Variants in ZNF385D observed in about 807,000 individuals in gnomAD.
The protein encoded by ZNF385D is zinc finger protein 659.
ZNF385D carries 15 observed loss-of-function variants against 35.8 expected under a neutral mutation model. The observed-to-expected ratio is 0.42, with a 90% CI of 0.28 to 0.64. The LOEUF is 0.64. Ranked by LOEUF, ZNF385D falls within the 30% of genes least tolerant of loss-of-function variation. The pLI, the probability that ZNF385D is intolerant of heterozygous loss-of-function variation, is 0.23. For missense variants in ZNF385D, 474 were observed against 494.6 expected (o/e 0.96, Z 0.39); for synonymous variants, 212 against 186.8 (o/e 1.13, Z -1.10).
rs1228494028 is a variant in ZNF385D, at chr3:21,425,563, C to A, written c.781G>T (p.Gly261Cys). The change falls in exon 6 of 8, where the codon GGC becomes TGC. Residue 261 changes from glycine to cysteine, a missense_variant. Transcript: ENST00000281523. ...CAGTGAAATGTTTTATTTTGGAGGC[C>A]TGTGTTTCCTTTATTAACAGGTCCT... is the stretch of plus-strand genomic sequence containing the variant. ...GKGPVNKGNT[G>C]LQNKTFHCEI... 3.1e-6 allele frequency: 5 copies of A among 1,611,658 alleles called. No individual in the cohort carries two copies. The African/African-American group carries it at 5.3e-5, about 17-fold the overall frequency.
At chr3:22,161,475 G>A (rs1705944459) in intron 3 of ZNF385D, among the ~76,000 whole-genome samples, 1 of 151,954 alleles carries the variant, frequency 6.6e-6, no homozygotes, top group South Asian at 2.1e-4. Context: ...TTTAAAAGAG[G>A]AACTTAGTCA....
chr3:21,523,377 A>G (rs1379657204), intron 3 of ZNF385D, among the ~76,000 whole-genome samples: 1 of 152,224 alleles, frequency 6.6e-6, no homozygotes, highest in African/African-American at 2.4e-5. Flanking sequence ...TAACCTTATT[A>G]TGTGATTTCA....
At chr3:21,492,634 A>G (rs1478260062) in intron 4 of ZNF385D, among the ~76,000 whole-genome samples, 6 of 151,730 alleles carry the variant, frequency 4.0e-5, no homozygotes, top group African/African-American at 1.5e-4. Context: ...AACTACAAAA[A>G]TTCGCCAGGT....
At chr3:22,259,977 A>G (rs560315977) in intron 2 of ZNF385D, among the ~76,000 whole-genome samples, 2 of 152,176 alleles carry the variant, frequency 1.3e-5, no homozygotes, top group Non-Finnish European at 2.9e-5. Context: ...GATTGTTAGG[A>G]CACGAAAAGG....
chr3:21,839,747 T>C (rs1203584437), intron 3 of ZNF385D, among the ~76,000 whole-genome samples: 3 of 151,954 alleles, frequency 2.0e-5, no homozygotes, highest in Admixed American at 6.6e-5. Flanking sequence ...GCTGTAGCAG[T>C]GGAAAAAGTG....
intron 4 of ZNF385D, among the ~76,000 whole-genome samples, chr3:21,479,519 A>G (rs1704468338): frequency 6.6e-6 from 1 of 152,166 alleles, no homozygotes; most frequent in African/African-American, 2.4e-5. Flanking sequence ...GGCCAAGAAT[A>G]AAAAATTAAG....
Position 22,315,267 on chromosome 3 carries a change from A to G in ZNF385D, c.106+57183T>C, listed in dbSNP as rs138391270. On this transcript the variant is annotated intron_variant, in intron 2 of 5. Coordinates refer to the ZNF385D transcript ENST00000494108. ...AGACAAGTCAGACTAGGTGAATGCA[A>G]GTTTGGGAAACAATGACTTGTTTTA... 2.6e-3 allele frequency among the ~76,000 whole-genome samples: 389 copies of G among 152,302 alleles called. 5 individuals carry two copies. The highest frequency in any genetic ancestry group is 8.0e-3 in the African/African-American group (331 of 41,570).
At chr3:21,737,552 A>C (rs1286040115) in intron 1 of ZNF385D, among the ~76,000 whole-genome samples, 1 of 152,210 alleles carries the variant, frequency 6.6e-6, no homozygotes, top group Non-Finnish European at 1.5e-5. Context: ...CTTCCATAGA[A>C]TTTAGTCTCT....
intron 3 of ZNF385D, among the ~76,000 whole-genome samples, chr3:21,790,414 T>C (rs1048985148): frequency 1.3e-5 from 2 of 152,198 alleles, no homozygotes; most frequent in African/African-American, 2.4e-5. Context: ...CACAGAGTTA[T>C]CTGTTGGTGA....
At chr3:21,972,356 A>G (rs1306037264) in intron 3 of ZNF385D, among the ~76,000 whole-genome samples, 1 of 152,058 alleles carries the variant, frequency 6.6e-6, no homozygotes, top group African/African-American at 2.4e-5. Context: ...GAAGAAATTA[A>G]GAAGAAAATG....
At chr3:22,029,540 T>A (rs1298062466) in intron 3 of ZNF385D, among the ~76,000 whole-genome samples, 2 of 152,228 alleles carry the variant, frequency 1.3e-5, no homozygotes, top group African/African-American at 4.8e-5. Context: ...TATAACCACA[T>A]GACCAGCTAT....
intron 2 of ZNF385D, among the ~76,000 whole-genome samples, chr3:22,177,304 C>T (rs1200319347): frequency 6.6e-6 from 1 of 152,148 alleles, no homozygotes. Context: ...TCTAAAACAG[C>T]TTACATAAAA....
intron 1 of ZNF385D, among the ~76,000 whole-genome samples, chr3:21,722,117 AGAG>A (rs1184473454): frequency 6.9e-6 from 1 of 145,784 alleles, no homozygotes; most frequent in African/African-American, 2.6e-5. Flanking sequence ...AAAAAAAAAA[AGAG>A]GTATTTGCAA....
At chr3:21,958,922 A>C (rs1199664474) in intron 3 of ZNF385D, 1 of 152,192 alleles carries the variant, frequency 6.6e-6, no homozygotes, top group Non-Finnish European at 1.5e-5. Flanking sequence ...ATTTTATGCC[A>C]GGTGAGAAAA....
chr3:21,426,518 A>G (rs1401638633), intron 5 of ZNF385D, among the ~76,000 whole-genome samples: 1 of 152,038 alleles, frequency 6.6e-6, no homozygotes. Context: ...TTTTGCACAA[A>G]ATTTCTTTTT....
chr3:22,099,287 T>C (rs1701800491), intron 3 of ZNF385D, among the ~76,000 whole-genome samples: 1 of 152,114 alleles, frequency 6.6e-6, no homozygotes, highest in South Asian at 2.1e-4. Flanking sequence ...GTACATACAC[T>C]GTGAAAGTTG....
chr3:22,158,049 C>T (rs1248918500), intron 3 of ZNF385D, among the ~76,000 whole-genome samples: 1 of 152,074 alleles, frequency 6.6e-6, no homozygotes, highest in Non-Finnish European at 1.5e-5. Context: ...GAGGGAATTA[C>T]AGCGCACATT....
intron 1 of ZNF385D, among the ~76,000 whole-genome samples, chr3:21,746,946 A>C (rs1559579190): frequency 6.6e-6 from 1 of 152,110 alleles, no homozygotes; most frequent in East Asian, 1.9e-4. Context: ...TAAACATCCC[A>C]GGGGAAAAAA....
At chr3:21,435,685 A>G (rs1187576964) in intron 5 of ZNF385D, among the ~76,000 whole-genome samples, 1 of 152,198 alleles carries the variant, frequency 6.6e-6, no homozygotes, top group Non-Finnish European at 1.5e-5. Context: ...TTCTTGGGAA[A>G]TAAATGGACT....
Sources: gnomAD v4.1 joint callset for allele counts (sites outside exome capture counted in the v4.1 genomes callset) on GRCh38, gnomAD v4.1.1 for gene constraint, MANE v1.5 for transcripts, NCBI Gene and HGNC (gene_info 2026-07-23, HGNC 2026-07-21) for gene names.